Variants in RAB23 observed in about 807,000 individuals in gnomAD.
The protein encoded by RAB23 is ras-related protein Rab-23.
A neutral mutation model predicts 30.0 loss-of-function variants in RAB23; 15 were observed. That is an observed-to-expected ratio of 0.50 (90% CI 0.33 to 0.77). The LOEUF (loss-of-function observed/expected upper bound fraction) is 0.77. Among genes scored for constraint, RAB23 ranks in the 30% least tolerant of loss-of-function variants. The pLI, the probability that RAB23 is intolerant of heterozygous loss-of-function variation, is 0.02. For missense variants in RAB23, 243 were observed against 275.4 expected, an observed-to-expected ratio of 0.88 and a Z score of 0.83; for synonymous variants, 93 against 94.0, an observed-to-expected ratio of 0.99 and a Z score of 0.06.
chr6:57,188,974 A>AAAT lies in RAB23; in HGVS notation c.*1484_*1486dup, dbSNP rs1764724699. 1 of 152,212 alleles carries AAAT rather than the reference A, an allele frequency of 6.6e-6. No individual in the cohort carries two copies. The highest frequency in any genetic ancestry group is 1.5e-5 in the Non-Finnish European group (1 of 68,022). The allele number at this position is 152,212 out of a possible 1,614,324, so 9.4% of individuals were successfully genotyped here. ...AACATTGTTTAGTACAAATAATGAA[A>AAAT]AATGACTTCATGACATTTTCCAATA... On this transcript the variant is annotated 3_prime_UTR_variant, in exon 7 of 7. Transcript: ENST00000468148.
At position 57,189,415 on chromosome 6, in the gene RAB23, G is replaced by T. The variant is rs1020748238; in HGVS notation, c.*1046C>A. ...CTTTAAAAATGGTTAGTGTAATCTTGTAAGTTCAAAGCTGGGTTCTCAGTG... is the reference window on the plus strand; with the variant it reads ...CTTTAAAAATGGTTAGTGTAATCTTTTAAGTTCAAAGCTGGGTTCTCAGTG... On this transcript the variant is annotated 3_prime_UTR_variant, in exon 7 of 7. Coordinates refer to ENST00000468148, the MANE Select transcript of RAB23 (RefSeq NM_016277.5). The T allele has an allele frequency of 1.3e-5, 2 of 152,152 alleles. No homozygotes were observed. The highest frequency in any genetic ancestry group is 6.5e-5 in the Admixed American group (1 of 15,274). 9.4% of individuals were successfully genotyped at this position (152,152 alleles called of 1,614,324 possible). A position where few individuals can be genotyped will look rare whatever the true frequency, so the allele number is the denominator to read the frequency against.
chr6:57,198,306 A>G (rs1765102912), intron 3 of RAB23, among the ~76,000 whole-genome samples: 1 of 152,204 alleles, frequency 6.6e-6, no homozygotes, highest in Non-Finnish European at 1.5e-5. Context: ...TGAGGTCAGG[A>G]GATCGAGACC....
chr6:57,205,291 G>A (rs1420680700), intron 3 of RAB23, among the ~76,000 whole-genome samples: 6 of 151,778 alleles, frequency 4.0e-5, no homozygotes, highest in Non-Finnish European at 8.8e-5. Context: ...CATTACTTAA[G>A]GTCAGAGTAT....
At chr6:57,212,420 TC>T in intron 1 of RAB23, among the ~76,000 whole-genome samples, 1 of 152,070 alleles carries the variant, frequency 6.6e-6, no homozygotes, top group East Asian at 1.9e-4. Context: ...TCAGGCATTT[TC>T]CCCAATAAAT....
intron 5 of RAB23, among the ~76,000 whole-genome samples, chr6:57,194,297 T>C (rs1416796447): frequency 1.6e-4 from 25 of 152,052 alleles, no homozygotes; most frequent in Admixed American, 1.4e-3. Context: ...AGAGAATATC[T>C]AGTTGCAATC....
At chr6:57,198,669 A>G (rs534781312) in intron 3 of RAB23, among the ~76,000 whole-genome samples, 20 of 151,836 alleles carry the variant, frequency 1.3e-4, no homozygotes, top group African/African-American at 4.8e-4. Flanking sequence ...CAAAAGGGTG[A>G]GACTCTGTCT....
rs1258466414 is a variant in RAB23 at position 57,194,019 on chromosome 6, C to T, written c.482-85G>A. 4.0e-6 allele frequency: 6 copies of T among 1,516,736 alleles called. No homozygotes were observed. The African/African-American group carries it at 7.0e-5, about 18-fold the overall frequency. The allele number at this position is 1,516,736 out of a possible 1,614,324, so 94.0% of individuals were successfully genotyped here. On this transcript the variant is annotated intron_variant, in intron 5 of 6. Transcript: ENST00000468148. ...TTTCACATCATTTGTAATATTTATA[C>T]TTACTAAACAAATTTAAAGTTACAA... is the stretch of plus-strand genomic sequence containing the variant.
At position 57,207,543 on chromosome 6, in the gene RAB23, A is replaced by C. The variant is rs1228101105; in HGVS notation, c.241+85T>G. The C allele has an allele frequency of 9.7e-6, 9 of 923,672 alleles. No individual in the cohort carries two copies. In the Admixed American group the frequency reaches 1.2e-4, roughly 13 times the overall value. The allele number at this position is 923,672 out of a possible 1,614,324, so 57.2% of individuals were successfully genotyped here. A position where few individuals can be genotyped will look rare whatever the true frequency, so the allele number is the denominator to read the frequency against. ...TAACTATTCTTCAAGAGAAGCCCTT[A>C]TACGGGAAACAAAGAAAGCAAAATT... On this transcript the variant is annotated intron_variant, in intron 3 of 6. Coordinates refer to ENST00000468148, the MANE Select transcript of RAB23 (RefSeq NM_016277.5).
intron 1 of RAB23, among the ~76,000 whole-genome samples, chr6:57,220,348 G>GT (rs1766009238): frequency 1.3e-5 from 2 of 152,268 alleles, no homozygotes; most frequent in South Asian, 4.1e-4. Context: ...CAGTTTAACA[G>GT]TTTTTTAAAA....
At chr6:57,213,120 A>C (rs1438115597) in intron 1 of RAB23, among the ~76,000 whole-genome samples, 1 of 152,170 alleles carries the variant, frequency 6.6e-6, no homozygotes, top group Non-Finnish European at 1.5e-5. Flanking sequence ...TAAGGATATA[A>C]GGAGTGCTGC....
At chr6:57,209,866 A>G (rs561416720) in intron 2 of RAB23, among the ~76,000 whole-genome samples, 1 of 152,336 alleles carries the variant, frequency 6.6e-6, no homozygotes, top group African/African-American at 2.4e-5. Context: ...ATTCTAATAA[A>G]AACGAGCCCA....
chr6:57,190,115 A>T lies in RAB23; in HGVS notation c.*346T>A. ...AATGCTTGCTATCTTTCCTTGATCCACAGTATTAAAATCTGTAACAATATA... is the reference window on the plus strand; with the variant it reads ...AATGCTTGCTATCTTTCCTTGATCCTCAGTATTAAAATCTGTAACAATATA... On this transcript the variant is annotated 3_prime_UTR_variant, in exon 7 of 7. Transcript: ENST00000468148. The T allele has an allele frequency of 8.4e-6, 2 of 237,782 alleles. No homozygotes were observed. The highest frequency in any genetic ancestry group is 1.2e-4 in the South Asian group (2 of 16,340). 14.7% of individuals were successfully genotyped at this position (237,782 alleles called of 1,614,324 possible).
chr6:57,214,147 T>G (rs780017014), intron 1 of RAB23, among the ~76,000 whole-genome samples: 3 of 152,118 alleles, frequency 2.0e-5, no homozygotes, highest in Non-Finnish European at 2.9e-5. Context: ...TGGTGTCAGA[T>G]GAAGCCTACT....
rs1764639046 is a variant in RAB23 at position 57,187,326 on chromosome 6, C to G, written c.*3135G>C. ...CCAGGAGTTTGATGACTGGATATTT[C>G]AGAGTCTACTGCGGGTTTTAAATAT... On this transcript the variant is annotated 3_prime_UTR_variant, in exon 7 of 7. Transcript: ENST00000468148. 2 of 152,126 alleles carry G rather than the reference C, an allele frequency of 1.3e-5. No individual in the cohort carries two copies. The highest frequency in any genetic ancestry group is 1.3e-4 in the Admixed American group (2 of 15,268). 9.4% of individuals were successfully genotyped at this position (152,126 alleles called of 1,614,324 possible).
chr6:57,219,628 G>C (rs1467472526), intron 1 of RAB23, among the ~76,000 whole-genome samples: 1 of 152,190 alleles, frequency 6.6e-6, no homozygotes, highest in Non-Finnish European at 1.5e-5. Context: ...AAGTAAATCA[G>C]TGGAACAAAA....
rs936282492 is a variant in RAB23, at chr6:57,208,853, C to T, written c.156-1140G>A. 1.5e-4 allele frequency among the ~76,000 whole-genome samples: 23 copies of T among 152,106 alleles called. 1 individual carries two copies. The highest frequency in any genetic ancestry group is 9.2e-4 in the Admixed American group (14 of 15,276). Reference sequence around the variant, plus strand: ...CCTGGTTACATTTTCATCAACTGATCAGTACATAACCTTGTTTTATGTGTT... The same window carrying T: ...CCTGGTTACATTTTCATCAACTGATTAGTACATAACCTTGTTTTATGTGTT... On this transcript the variant is annotated intron_variant, in intron 2 of 6. Transcript: ENST00000468148.
intron 3 of RAB23, among the ~76,000 whole-genome samples, chr6:57,202,425 C>A (rs1765303646): frequency 6.6e-6 from 1 of 152,148 alleles, no homozygotes; most frequent in Non-Finnish European, 1.5e-5. Context: ...AATCACATTC[C>A]TCTCATTATT....
rs746408859 is a variant in RAB23 at position 57,207,686 on chromosome 6, C to T, written c.183G>A (p.Met61Ile). 9 of 1,604,168 alleles carry T rather than the reference C, an allele frequency of 5.6e-6. No individual in the cohort carries two copies. The South Asian group carries it at 9.9e-5, about 18-fold the overall frequency. Reference sequence around the variant, plus strand: ...CCTCCTGACCTGCAGTGTCCCATAACATTAGTCTGACATCTTCATCATTAA... The same window carrying T: ...CCTCCTGACCTGCAGTGTCCCATAATATTAGTCTGACATCTTCATCATTAA... ...IQVNDEDVRL[M>I]LWDTAGQEEF... is the part of the protein sequence containing the mutation. Residue 61 changes from methionine to isoleucine, a missense_variant, in exon 3 of 7, where the codon ATG becomes ATA. Met to Ile is a conservative substitution (Grantham distance 10). Coordinates refer to ENST00000468148, the MANE Select transcript of RAB23 (RefSeq NM_016277.5).
At position 57,207,713 on chromosome 6, in the gene RAB23, T is replaced by C. The variant is rs371178954; in HGVS notation, c.156A>G (p.Gln52=). The C allele has an allele frequency of 6.0e-5, 94 of 1,577,112 alleles. No individual in the cohort carries two copies. Among genetic ancestry groups the C allele is most frequent in the Non-Finnish European group, 8.2e-5 (94 of 1,147,766 alleles). ...IGVDFLERQI[Q]VNDEDVRLML... ...TTAGTCTGACATCTTCATCATTAAC[T>C]CTAAAACAAGAGATGAATTTATTTC... The change falls in exon 3 of 7, where the codon CAA becomes CAG. Residue 52 remains glutamine, a splice_region_variant and synonymous_variant. Coordinates refer to ENST00000468148, the MANE Select transcript of RAB23 (RefSeq NM_016277.5).
Sources: allele counts gnomAD v4.1 joint callset (sites outside exome capture counted in the v4.1 genomes callset), GRCh38; gene constraint gnomAD v4.1.1; transcripts MANE v1.5; gene names NCBI Gene and HGNC (gene_info 2026-07-23, HGNC 2026-07-21).